ZNF804B: variants seen among roughly 807,000 people sequenced by gnomAD.
ZNF804B encodes the protein zinc finger protein 804B.
In ZNF804B, 80 loss-of-function variants were observed where a neutral mutation model predicts 101.4. That is an observed-to-expected ratio of 0.79 (90% CI 0.66 to 0.95). The LOEUF is 0.95. Ranked by LOEUF, ZNF804B falls within the 40% of genes least tolerant of loss-of-function variation. The probability of loss-of-function intolerance (pLI) is 0.00; values close to 1 mark genes in which losing one functional copy is unlikely to be tolerated. For synonymous variants in ZNF804B, 622 were observed against 558.8 expected, an observed-to-expected ratio of 1.11 and a Z score of -1.59; for missense variants, 1,673 against 1,561.9, an observed-to-expected ratio of 1.07 and a Z score of -1.20.
intron 1 of ZNF804B, among the ~76,000 whole-genome samples, chr7:88,888,479 A>G (rs1355975372): frequency 8.5e-5 from 13 of 152,116 alleles, no homozygotes; most frequent in Admixed American, 8.5e-4. Flanking sequence ...ATACTTTTAC[A>G]GTTGGTCTTC....
intron 1 of ZNF804B, among the ~76,000 whole-genome samples, chr7:89,090,603 T>C (rs1237588405): frequency 6.6e-6 from 1 of 151,996 alleles, no homozygotes; most frequent in Non-Finnish European, 1.5e-5. Flanking sequence ...GATGAAAAAA[T>C]AGGAAATTCA....
intron 1 of ZNF804B, among the ~76,000 whole-genome samples, chr7:89,102,338 G>T (rs551932673): frequency 7.8e-4 from 118 of 151,870 alleles, no homozygotes; most frequent in African/African-American, 2.8e-3. Context: ...GCCAATGTTT[G>T]TTTTTCTGTT....
intron 1 of ZNF804B, among the ~76,000 whole-genome samples, chr7:88,804,703 G>T (rs1224713584): frequency 2.0e-5 from 3 of 151,914 alleles, no homozygotes; most frequent in Non-Finnish European, 4.4e-5. Context: ...TCATTACTCA[G>T]GCCCATATAA....
rs1168370726 is a variant in ZNF804B, at chr7:89,253,984, G to T, written c.249+35689G>T. On this transcript the variant is annotated intron_variant, in intron 2 of 3. Coordinates refer to ENST00000333190, the MANE Select transcript of ZNF804B (RefSeq NM_181646.5). ...AACCTTAGGAAACTAAAAAAGAAGG[G>T]AACTCCCCTAGCATAGTAAATGATT... Among the ~76,000 whole-genome samples, 3 of 151,964 alleles carry T rather than the reference G, an allele frequency of 2.0e-5. No homozygotes were observed. In the East Asian group the frequency reaches 5.8e-4, roughly 29 times the overall value.
intron 1 of ZNF804B, among the ~76,000 whole-genome samples, chr7:88,902,709 A>G (rs1792410393): frequency 6.6e-6 from 1 of 152,192 alleles, no homozygotes; most frequent in East Asian, 1.9e-4. Context: ...TTCTGAAAGT[A>G]AATATATTTA....
At chr7:89,136,085 T>G (rs1313174001) in intron 1 of ZNF804B, among the ~76,000 whole-genome samples, 1 of 152,116 alleles carries the variant, frequency 6.6e-6, no homozygotes, top group Non-Finnish European at 1.5e-5. Flanking sequence ...ACTAACAATA[T>G]AGCTGTAGAT....
At chr7:88,967,658 G>A (rs529899189) in intron 1 of ZNF804B, among the ~76,000 whole-genome samples, 13 of 139,934 alleles carry the variant, frequency 9.3e-5, no homozygotes, top group African/African-American at 2.4e-4. Flanking sequence ...AATAACAAAC[G>A]AATACATTCT....
chr7:89,298,230 A>AGTGTGTGTGTG (rs1475871909), intron 2 of ZNF804B, among the ~76,000 whole-genome samples: 21 of 99,818 alleles, frequency 2.1e-4, no homozygotes, highest in African/African-American at 7.8e-4. Flanking sequence ...ATATATATAT[A>AGTGTGTGTGTG]TATATATATA....
chr7:88,954,191 T>A (rs999777976), intron 1 of ZNF804B, among the ~76,000 whole-genome samples: 6 of 151,874 alleles, frequency 4.0e-5, no homozygotes, highest in Admixed American at 3.9e-4. Flanking sequence ...TTTTTTTAAT[T>A]TAACTGCATT....
rs73395306 is a variant in ZNF804B, at chr7:88,887,707, A to G, written c.108+127623A>G. Among the ~76,000 whole-genome samples the G allele has an allele frequency of 2.6e-3, 402 of 151,932 alleles. 3 individuals carry two copies. Among genetic ancestry groups the G allele is most frequent in the African/African-American group, 9.5e-3 (394 of 41,452 alleles). On this transcript the variant is annotated intron_variant, in intron 1 of 3. Transcript: ENST00000333190. ...ATCATAATTATATTATGCCCAGCTT[A>G]TGTTTTACAAAGTGTTAAAATAAGC...
In ZNF804B at chr7:88,781,660, A is replaced by T. The variant is rs182351592; in HGVS notation, c.108+21576A>T. ...TATTTTATTTAATATTTCTGTACTC[A>T]TTCAATTTACAAAATGCTGAGACCC... On this transcript the variant is annotated intron_variant, in intron 1 of 3. Transcript: ENST00000333190. 1.6e-3 allele frequency among the ~76,000 whole-genome samples: 247 copies of T among 152,298 alleles called. 3 individuals carry two copies. The highest frequency in any genetic ancestry group is 1.8e-3 in the Non-Finnish European group (124 of 68,026).
intron 1 of ZNF804B, among the ~76,000 whole-genome samples, chr7:88,992,679 G>A (rs914776208): frequency 6.6e-6 from 1 of 152,030 alleles, no homozygotes; most frequent in Non-Finnish European, 1.5e-5. Flanking sequence ...GTAACTTTAA[G>A]TACATCTACA....
chr7:89,252,413 A>G (rs1789555834), intron 2 of ZNF804B, among the ~76,000 whole-genome samples: 2 of 152,168 alleles, frequency 1.3e-5, no homozygotes, highest in Non-Finnish European at 2.9e-5. Context: ...CTGTGGAAAA[A>G]AGGGAATGCA....
At chr7:88,953,598 G>C (rs941603974) in intron 1 of ZNF804B, among the ~76,000 whole-genome samples, 2 of 151,732 alleles carry the variant, frequency 1.3e-5, no homozygotes, top group Non-Finnish European at 2.9e-5. Context: ...TTTTAGCACA[G>C]AGGCAATGCC....
chr7:88,893,427 A>T (rs957518279), intron 1 of ZNF804B, among the ~76,000 whole-genome samples: 1 of 152,116 alleles, frequency 6.6e-6, no homozygotes, highest in Admixed American at 6.5e-5. Context: ...TTTTAAAAAT[A>T]TTGATGTATG....
chr7:88,839,412 A>G (rs1409171747), intron 1 of ZNF804B, among the ~76,000 whole-genome samples: 1 of 151,982 alleles, frequency 6.6e-6, no homozygotes, highest in Non-Finnish European at 1.5e-5. Context: ...TATACCTCCT[A>G]GTTTCCTTAG....
intron 2 of ZNF804B, among the ~76,000 whole-genome samples, chr7:89,229,892 C>T (rs1042974697): frequency 6.6e-6 from 1 of 151,940 alleles, no homozygotes; most frequent in African/African-American, 2.4e-5. Context: ...TTAAACTAGA[C>T]ACCTGTAATA....
At chr7:89,163,240 C>T (rs956054876) in intron 1 of ZNF804B, among the ~76,000 whole-genome samples, 10 of 152,150 alleles carry the variant, frequency 6.6e-5, no homozygotes, top group South Asian at 4.1e-4. Flanking sequence ...ATAAAAACCA[C>T]GGATTTTGTA....
chr7:89,199,773 C>T (rs1196495006), intron 1 of ZNF804B, among the ~76,000 whole-genome samples: 1 of 151,276 alleles, frequency 6.6e-6, no homozygotes, highest in Non-Finnish European at 1.5e-5. Flanking sequence ...GTCACTTCCT[C>T]AGAATTTATG....
Sources: gnomAD v4.1 joint callset for allele counts (sites outside exome capture counted in the v4.1 genomes callset) on GRCh38, gnomAD v4.1.1 for gene constraint, MANE v1.5 for transcripts, NCBI Gene and HGNC (gene_info 2026-07-23, HGNC 2026-07-21) for gene names.